The following SLC35F1 variants were observed in gnomAD, a reference collection of about 807,000 sequenced individuals.
The protein encoded by SLC35F1 is chromosome 6 open reading frame 169.
In SLC35F1, 14 loss-of-function variants were observed where a neutral mutation model predicts 48.7. The ratio of observed to expected loss-of-function variants is 0.29; its 90% CI spans 0.19 to 0.45. SLC35F1 has a LOEUF of 0.45. SLC35F1 is among the 20% of genes least tolerant of loss of function. SLC35F1 has a pLI of 1.00. For synonymous variants in SLC35F1, 190 were observed against 202.2 expected, an observed-to-expected ratio of 0.94 and a Z score of 0.51; for missense variants, 404 against 500.0, an observed-to-expected ratio of 0.81 and a Z score of 1.83.
intron 2 of SLC35F1, among the ~76,000 whole-genome samples, chr6:118,183,686 A>G (rs954484223): frequency 6.6e-6 from 1 of 152,058 alleles, no homozygotes; most frequent in Non-Finnish European, 1.5e-5. Context: ...AGGATCTCAA[A>G]CTAGGTAATT....
intron 1 of SLC35F1, among the ~76,000 whole-genome samples, chr6:117,966,903 G>T (rs923127550): frequency 1.3e-5 from 2 of 152,156 alleles, no homozygotes; most frequent in African/African-American, 4.8e-5. Flanking sequence ...AATTGTGGGG[G>T]ACACAATTCA....
chr6:118,250,224 T>C (rs1775556132), intron 3 of SLC35F1, among the ~76,000 whole-genome samples: 1 of 152,210 alleles, frequency 6.6e-6, no homozygotes, highest in Non-Finnish European at 1.5e-5. Flanking sequence ...CCCTGTTTAA[T>C]TTTTCTCCAT....
At chr6:118,103,687 A>C (rs1582667844) in intron 1 of SLC35F1, among the ~76,000 whole-genome samples, 1 of 152,162 alleles carries the variant, frequency 6.6e-6, no homozygotes, top group Non-Finnish European at 1.5e-5. Flanking sequence ...TTGACTCTCC[A>C]CCCTTTTCTT....
chr6:118,210,258 C>T (rs1435439924), intron 2 of SLC35F1, among the ~76,000 whole-genome samples: 1 of 152,162 alleles, frequency 6.6e-6, no homozygotes, highest in Admixed American at 6.5e-5. Flanking sequence ...TATTTTTCAA[C>T]AATTAAGAAT....
intron 1 of SLC35F1, among the ~76,000 whole-genome samples, chr6:118,008,729 A>G (rs1777206909): frequency 6.6e-6 from 1 of 152,216 alleles, no homozygotes. Context: ...GATTAGACCT[A>G]AGCAGATGGT....
intron 1 of SLC35F1, among the ~76,000 whole-genome samples, chr6:118,138,884 G>A (rs560212129): frequency 8.7e-4 from 132 of 152,036 alleles, no homozygotes; most frequent in Admixed American, 2.2e-3. Flanking sequence ...TTGGCAACGC[G>A]TGCACCGGTG....
At chr6:118,186,154 C>T (rs765574807) in intron 2 of SLC35F1, among the ~76,000 whole-genome samples, 1 of 152,088 alleles carries the variant, frequency 6.6e-6, no homozygotes, top group African/African-American at 2.4e-5. Flanking sequence ...CCTCTACACA[C>T]ACACACCCCA....
At chr6:118,011,907 CTTTA>C (rs1777253811) in intron 1 of SLC35F1, among the ~76,000 whole-genome samples, 1 of 152,138 alleles carries the variant, frequency 6.6e-6, no homozygotes, top group Non-Finnish European at 1.5e-5. Flanking sequence ...AGACAGATAT[CTTTA>C]TTTGTCTCTG....
chr6:118,149,552 T>A (rs1327694018), intron 1 of SLC35F1, among the ~76,000 whole-genome samples: 1 of 152,214 alleles, frequency 6.6e-6, no homozygotes, highest in Non-Finnish European at 1.5e-5. Flanking sequence ...CTAGCTCAGA[T>A]GTGCAGGCTG....
intron 1 of SLC35F1, among the ~76,000 whole-genome samples, chr6:118,153,475 G>C (rs1774093596): frequency 6.6e-6 from 1 of 152,094 alleles, no homozygotes; most frequent in Non-Finnish European, 1.5e-5. Context: ...AAATACTACT[G>C]CTTGCTTCTA....
chr6:117,984,002 A>T (rs1294544410), intron 1 of SLC35F1, among the ~76,000 whole-genome samples: 1 of 152,224 alleles, frequency 6.6e-6, no homozygotes, highest in Non-Finnish European at 1.5e-5. Flanking sequence ...CAGGGCATCC[A>T]TTCTAAACTT....
At chr6:118,069,248 G>A (rs1772663774) in intron 1 of SLC35F1, among the ~76,000 whole-genome samples, 2 of 151,936 alleles carry the variant, frequency 1.3e-5, no homozygotes, top group South Asian at 4.1e-4. Context: ...AATTGTTTTT[G>A]ACAATTTCCT....
intron 1 of SLC35F1, among the ~76,000 whole-genome samples, chr6:117,947,913 T>C (rs1346999273): frequency 6.6e-6 from 1 of 151,928 alleles, no homozygotes; most frequent in Non-Finnish European, 1.5e-5. Context: ...AGGAATTGAG[T>C]ATAGATGAAG....
At chr6:118,077,385 C>T (rs947863020) in intron 1 of SLC35F1, among the ~76,000 whole-genome samples, 2 of 152,116 alleles carry the variant, frequency 1.3e-5, no homozygotes, top group Admixed American at 1.3e-4. Context: ...CTAGTAAATA[C>T]AAAAATGGAC....
chr6:118,206,978 A>G (rs1774944205), intron 2 of SLC35F1, among the ~76,000 whole-genome samples: 1 of 152,236 alleles, frequency 6.6e-6, no homozygotes, highest in Admixed American at 6.5e-5. Flanking sequence ...TGAAGTGATT[A>G]ATTTAACAAA....
intron 6 of SLC35F1, among the ~76,000 whole-genome samples, chr6:118,278,696 G>A (rs753277323): frequency 2.6e-5 from 4 of 152,134 alleles, no homozygotes; most frequent in Non-Finnish European, 5.9e-5. Flanking sequence ...AGAAGAGGAG[G>A]GCAACAGGGA....
intron 1 of SLC35F1, among the ~76,000 whole-genome samples, chr6:118,054,354 G>A (rs1772433091): frequency 6.6e-6 from 1 of 152,176 alleles, no homozygotes; most frequent in African/African-American, 2.4e-5. Context: ...TCCATTGTGC[G>A]AATGGAAATA....
At chr6:118,002,344 C>G (rs192917439) in intron 1 of SLC35F1, among the ~76,000 whole-genome samples, 1 of 151,834 alleles carries the variant, frequency 6.6e-6, no homozygotes, top group Non-Finnish European at 1.5e-5. Flanking sequence ...AGCATACTAT[C>G]GCAAGGACAA....
chr6:117,935,282 T>G (rs988153138), intron 1 of SLC35F1, among the ~76,000 whole-genome samples: 10 of 152,208 alleles, frequency 6.6e-5, no homozygotes, highest in African/African-American at 2.2e-4. Context: ...ATACAGTTGA[T>G]TTTTATTATT....
Sources: gnomAD v4.1 joint callset for allele counts (sites outside exome capture counted in the v4.1 genomes callset) on GRCh38, gnomAD v4.1.1 for gene constraint, MANE v1.5 for transcripts, NCBI Gene and HGNC (gene_info 2026-07-23, HGNC 2026-07-21) for gene names.